Variants in ERBIN observed in about 807,000 individuals in gnomAD.
ERBIN encodes erbb2 interacting protein, also known as densin-180-like protein.
A neutral mutation model predicts 158.4 loss-of-function variants in ERBIN; 60 were observed. The observed-to-expected ratio is 0.38, with a 90% CI of 0.31 to 0.47. The LOEUF is 0.47. Among genes scored for constraint, ERBIN ranks in the 20% least tolerant of loss-of-function variants. The pLI is 0.99. For missense variants in ERBIN, 1,610 were observed against 1,648.0 expected, an observed-to-expected ratio of 0.98 and a Z score of 0.40; for synonymous variants, 594 against 557.2, an observed-to-expected ratio of 1.07 and a Z score of -0.93.
chr5:65,944,935 C>T (rs1005243544), intron 1 of ERBIN, among the ~76,000 whole-genome samples: 2 of 152,036 alleles, frequency 1.3e-5, no homozygotes, highest in African/African-American at 4.8e-5. Context: ...TATTTTTACT[C>T]TCTTGATAGT....
intron 20 of ERBIN, 76 bp from the exon 21 acceptor site, chr5:66,053,330 A>G (rs534820609): frequency 1.2e-6 from 1 of 862,476 alleles, no homozygotes; most frequent in African/African-American, 2.3e-5. Context: ...TACCTACACA[A>G]TTTATTTATT....
At chr5:66,068,869 T>G (rs1761269899) in intron 21 of ERBIN, 1 of 1,524,732 alleles carries the variant, frequency 6.6e-7, no homozygotes, top group South Asian at 1.2e-5. Flanking sequence ...TATCCCCTCT[T>G]TATTCAGAGC....
chr5:65,940,849 A>G (rs1416719802), intron 1 of ERBIN, among the ~76,000 whole-genome samples: 3 of 152,282 alleles, frequency 2.0e-5, no homozygotes, highest in Non-Finnish European at 2.9e-5. Context: ...GGCCATGATG[A>G]CAATGGCGGT....
chr5:65,930,540 C>T (rs1387119105), intron 1 of ERBIN, among the ~76,000 whole-genome samples: 1 of 152,122 alleles, frequency 6.6e-6, no homozygotes, highest in Non-Finnish European at 1.5e-5. Flanking sequence ...TATCTCCTGA[C>T]CTCGTGATCT....
At chr5:66,061,663 T>A (rs1199666540) in intron 21 of ERBIN, among the ~76,000 whole-genome samples, 2 of 152,200 alleles carry the variant, frequency 1.3e-5, no homozygotes, top group South Asian at 2.1e-4. Flanking sequence ...ATTTGGCATG[T>A]TTTTGCAGTG....
chr5:66,062,764 A>C (rs1760552720), intron 21 of ERBIN, among the ~76,000 whole-genome samples: 2 of 152,156 alleles, frequency 1.3e-5, no homozygotes. Context: ...TAATAGTCAC[A>C]ACCCTCAGCT....
intron 14 of ERBIN, among the ~76,000 whole-genome samples, chr5:66,028,728 G>A (rs1438324794): frequency 6.6e-6 from 1 of 152,116 alleles, no homozygotes; most frequent in African/African-American, 2.4e-5. Flanking sequence ...ATGTTGTACA[G>A]TAGAGCTCTT....
chr5:66,076,972 T>G, intron 25 of ERBIN, 23 bp downstream of exon 25: 1 of 1,503,478 alleles, frequency 6.7e-7, no homozygotes, highest in Admixed American at 1.8e-5. Context: ...AATCTTTTTT[T>G]TTTTCATTTT....
In ERBIN at chr5:66,074,498, T is replaced by G. The variant is rs138314946; in HGVS notation, c.3757-526T>G. On this transcript the variant is annotated intron_variant, in intron 22 of 25. Transcript: ENST00000284037. ...TAGATAGCTGAATTGACTTGTTAAT[T>G]TTGGAAAAGAAGGAATAAAAGCAGA... Among the ~76,000 whole-genome samples the G allele has an allele frequency of 2.1e-3, 327 of 152,264 alleles. 2 individuals carry two copies. Among genetic ancestry groups the G allele is most frequent in the African/African-American group, 7.7e-3 (321 of 41,542 alleles).
chr5:65,948,471 T>A (rs1746075653), intron 1 of ERBIN, among the ~76,000 whole-genome samples: 1 of 151,990 alleles, frequency 6.6e-6, no homozygotes, highest in Non-Finnish European at 1.5e-5. Context: ...AGCGACTGCA[T>A]CCAGCTGGTT....
chr5:66,081,101 A>G lies in ERBIN; in HGVS notation c.*2571A>G, dbSNP rs1199415830. 1 of 151,998 alleles carries G rather than the reference A, an allele frequency of 6.6e-6. No homozygotes were observed. The highest frequency in any genetic ancestry group is 1.5e-5 in the Non-Finnish European group (1 of 67,864). The allele number at this position is 151,998 out of a possible 1,614,324, so 9.4% of individuals were successfully genotyped here. A position where few individuals can be genotyped will look rare whatever the true frequency, so the allele number is the denominator to read the frequency against. On this transcript the variant is annotated 3_prime_UTR_variant, in exon 26 of 26. Coordinates refer to ENST00000284037, the MANE Select transcript of ERBIN (RefSeq NM_001253697.2). ...CCTATACCCATAACTAACTTTAGTA[A>G]GTATTATATAGCAATTCATCAAAAC...
intron 1 of ERBIN, among the ~76,000 whole-genome samples, chr5:65,971,414 T>C (rs1424103312): frequency 6.6e-6 from 1 of 152,162 alleles, no homozygotes; most frequent in Non-Finnish European, 1.5e-5. Flanking sequence ...GGATCATATT[T>C]ATATATGAAT....
chr5:66,001,292 A>G (rs185589382), intron 4 of ERBIN, among the ~76,000 whole-genome samples: 18 of 152,212 alleles, frequency 1.2e-4, no homozygotes, highest in South Asian at 4.1e-4. Flanking sequence ...AGTTTATCAT[A>G]ATATGCTAGG....
intron 21 of ERBIN, among the ~76,000 whole-genome samples, chr5:66,055,609 G>T (rs2151244946): frequency 6.6e-6 from 1 of 152,172 alleles, no homozygotes; most frequent in Non-Finnish European, 1.5e-5. Flanking sequence ...TGTAGATACA[G>T]ATATATATCC....
chr5:65,992,325 T>A (rs1197291638), intron 2 of ERBIN, among the ~76,000 whole-genome samples: 1 of 152,130 alleles, frequency 6.6e-6, no homozygotes, highest in African/African-American at 2.4e-5. Flanking sequence ...ATTTTTTGTA[T>A]TTTTAGGAGA....
At chr5:66,052,197 CAA>C (rs200101195) in intron 20 of ERBIN, among the ~76,000 whole-genome samples, 43 of 59,160 alleles carry the variant, frequency 7.3e-4, no homozygotes, top group Admixed American at 1.2e-3. Context: ...GACCCGGTCT[CAA>C]AAAAAAAAAA....
rs1379622369 is a variant in ERBIN, at chr5:66,081,158, G to A, written c.*2628G>A. ...TGTCTTTTAGTGATTTTGTCTTTAAGAGTAATTTCTTACTCTAACCAGTAA... is the reference window on the plus strand; with the variant it reads ...TGTCTTTTAGTGATTTTGTCTTTAAAAGTAATTTCTTACTCTAACCAGTAA... On this transcript the variant is annotated 3_prime_UTR_variant, in exon 26 of 26. Transcript: ENST00000284037. The A allele has an allele frequency of 6.6e-6, 1 of 151,838 alleles. No homozygotes were observed. The highest frequency in any genetic ancestry group is 1.9e-4 in the East Asian group (1 of 5,196). 9.4% of individuals were successfully genotyped at this position (151,838 alleles called of 1,614,324 possible). A position where few individuals can be genotyped will look rare whatever the true frequency, so the allele number is the denominator to read the frequency against.
intron 1 of ERBIN, among the ~76,000 whole-genome samples, chr5:65,940,445 G>T (rs1744755527): frequency 9.3e-6 from 1 of 107,728 alleles, no homozygotes; most frequent in African/African-American, 4.3e-5. Flanking sequence ...CCGGCCAGCT[G>T]CCCCGTCCGG....
chr5:65,983,857 A>T (rs1377367988), intron 1 of ERBIN, among the ~76,000 whole-genome samples: 1 of 152,116 alleles, frequency 6.6e-6, no homozygotes, highest in Admixed American at 6.6e-5. Flanking sequence ...GACCTGGGTG[A>T]CTGTGGTTGT....
Sources: gnomAD v4.1 joint callset for allele counts (sites outside exome capture counted in the v4.1 genomes callset) on GRCh38, gnomAD v4.1.1 for gene constraint, MANE v1.5 for transcripts, NCBI Gene and HGNC (gene_info 2026-07-23, HGNC 2026-07-21) for gene names.